Variants in FLACC1 observed in about 807,000 individuals in gnomAD.
The protein encoded by FLACC1 is flagellum-associated coiled-coil domain-containing protein 1.
In FLACC1, 66 loss-of-function variants were observed where a neutral mutation model predicts 62.8. The ratio of observed to expected loss-of-function variants is 1.05; its 90% CI spans 0.86 to 1.29. The LOEUF is 1.29. Ranked by LOEUF, FLACC1 falls within the 50% of genes most tolerant of loss-of-function variation. FLACC1 has a pLI of 0.00. For synonymous variants in FLACC1, 156 were observed against 161.0 expected (o/e 0.97, Z 0.24); for missense variants, 452 against 489.1 (o/e 0.92, Z 0.71).
chr2:201,309,259 G>A lies in FLACC1; in HGVS notation c.676-9C>T. On this transcript the variant is annotated splice_polypyrimidine_tract_variant and intron_variant, in intron 9 of 14. Coordinates refer to ENST00000392257, the MANE Select transcript of FLACC1 (RefSeq NM_001127391.3). ...TCATCATAAATACTGTCCTGGGGAG[G>A]TACAAAGGCACCATGAAGAAAAGAG... The A allele has an allele frequency of 1.3e-6, 2 of 1,599,676 alleles. No individual in the cohort carries two copies. Among genetic ancestry groups the A allele is most frequent in the Non-Finnish European group, 1.7e-6 (2 of 1,167,424 alleles).
chr2:201,328,188 C>G (rs946047224), intron 9 of FLACC1, among the ~76,000 whole-genome samples: 1 of 150,236 alleles, frequency 6.7e-6, no homozygotes, highest in African/African-American at 2.4e-5. Context: ...AAAAAAAAAA[C>G]AAAACTACAC....
chr2:201,321,996 C>T (rs1361845262), intron 9 of FLACC1, among the ~76,000 whole-genome samples: 1 of 152,202 alleles, frequency 6.6e-6, no homozygotes, highest in Non-Finnish European at 1.5e-5. Context: ...AGGCCGGGTG[C>T]AGTGGCTCAT....
At chr2:201,358,827 C>A (rs1193370215), upstream of FLACC1, among the ~76,000 whole-genome samples, 1 of 152,168 alleles carries the variant, frequency 6.6e-6, no homozygotes, top group African/African-American at 2.4e-5. Context: ...TCCCAAAGTG[C>A]TGGGATTACA....
rs780908550 is a variant in FLACC1 at position 201,309,186 on chromosome 2, T to C, written c.740A>G (p.Glu247Gly). 4.3e-6 allele frequency: 7 copies of C among 1,614,006 alleles called. No individual in the cohort carries two copies. The highest frequency in any genetic ancestry group is 3.3e-5 in the South Asian group (3 of 91,082). ...CAGGATATTTTCTCGCTCGAACTTC[T>C]CATCCTTCTTCCATTTCGCCTTCTG... Reference protein sequence around the residue: ...SKQKAKWKKDEKFERENILLQ... With the variant: ...SKQKAKWKKDGKFERENILLQ... The change falls in exon 10 of 15, where the codon GAG becomes GGG. Residue 247 changes from glutamate (E) to glycine (G), a missense_variant. By Grantham distance (98) the Glu-to-Gly change is moderately conservative. This residue lies in a region of FLACC1 where 301 missense variants were observed against 318.4 expected (regional missense o/e 0.95). Transcript: ENST00000392257.
rs772915945 is a variant in FLACC1, at chr2:201,350,691, C to CAAAACAAAACAA, written c.185+8_185+19dup. On this transcript the variant is annotated intron_variant, in intron 3 of 14. Coordinates refer to ENST00000392257, the MANE Select transcript of FLACC1 (RefSeq NM_001127391.3). ...GTGAGACTCCATCTCAAAAACAAAA[C>CAAAACAAAACAA]AAAACAAAACAATACTTACTTTGGG... 3.7e-6 allele frequency: 6 copies of CAAAACAAAACAA among 1,608,156 alleles called. No individual in the cohort carries two copies. Among genetic ancestry groups the CAAAACAAAACAA allele is most frequent in the Admixed American group, 3.4e-5 (2 of 59,692 alleles).
intron 11 of FLACC1, among the ~76,000 whole-genome samples, chr2:201,304,167 T>C (rs981587777): frequency 3.9e-5 from 6 of 152,232 alleles, no homozygotes; most frequent in Non-Finnish European, 8.8e-5. Flanking sequence ...ACATGAATTG[T>C]ATATCTAGAA....
In FLACC1 at chr2:201,344,262, T is replaced by C. The variant is rs759692636; in HGVS notation, c.370A>G (p.Thr124Ala). ...TCTTCTAGGTCAGAAATGATGTTGG[T>C]CCTGTAGGAGAAGTAATTCTTCTAT... Reference protein sequence around the residue: ...EIPDKGRFSRTNIISDLEEQI... With the variant: ...EIPDKGRFSRANIISDLEEQI... The change falls in exon 6 of 15, where the codon ACC becomes GCC. Residue 124 changes from threonine to alanine, a missense_variant and splice_region_variant. Physicochemically the swap from Thr to Ala is moderately conservative, Grantham distance 58. Coordinates refer to ENST00000392257, the MANE Select transcript of FLACC1 (RefSeq NM_001127391.3). 35 of 1,608,450 alleles carry C rather than the reference T, an allele frequency of 2.2e-5. No individual in the cohort carries two copies. The South Asian group carries it at 3.6e-4, about 17-fold the overall frequency.
At chr2:201,308,066 C>T (rs991310568) in intron 10 of FLACC1, among the ~76,000 whole-genome samples, 1 of 152,084 alleles carries the variant, frequency 6.6e-6, no homozygotes, top group Non-Finnish European at 1.5e-5. Context: ...GCCAGTAGAG[C>T]CCCATTATCA....
chr2:201,298,342 GAATATCTAAAGGAATATAAA>G, intron 12 of FLACC1, among the ~76,000 whole-genome samples: 1 of 152,220 alleles, frequency 6.6e-6, no homozygotes, highest in Non-Finnish European at 1.5e-5. Context: ...CAAAGCTTAA[GAATATCTAAAGGAATATAAA>G]AATATTCAGC....
intron 9 of FLACC1, among the ~76,000 whole-genome samples, chr2:201,329,200 T>C (rs1285705711): frequency 6.6e-6 from 1 of 152,168 alleles, no homozygotes; most frequent in African/African-American, 2.4e-5. Flanking sequence ...AAATGCTTCA[T>C]GTCACTAATC....
At chr2:201,322,447 C>T (rs1950423714) in intron 9 of FLACC1, among the ~76,000 whole-genome samples, 1 of 151,960 alleles carries the variant, frequency 6.6e-6, no homozygotes, top group African/African-American at 2.4e-5. Context: ...CATAAAAAAA[C>T]TCTCTATAAC....
intron 5 of FLACC1, 80 bp from the exon 6 acceptor site, chr2:201,344,343 G>C: frequency 8.2e-7 from 1 of 1,217,590 alleles, no homozygotes; most frequent in Non-Finnish European, 1.2e-6. Flanking sequence ...GACTGACTCT[G>C]GCATGGTGAG....
chr2:201,358,783 A>T (rs921704481), upstream of FLACC1, among the ~76,000 whole-genome samples: 2 of 151,628 alleles, frequency 1.3e-5, no homozygotes, highest in Non-Finnish European at 1.5e-5. Context: ...CTGGTCTTGT[A>T]CTCCTGAATT....
chr2:201,327,922 C>T (rs1230977851), intron 9 of FLACC1, among the ~76,000 whole-genome samples: 5 of 141,160 alleles, frequency 3.5e-5, no homozygotes, highest in African/African-American at 1.3e-4. Flanking sequence ...TGCCCGTTGA[C>T]TAATGAGTGG....
At chr2:201,309,549 G>A (rs1056444903) in intron 9 of FLACC1, among the ~76,000 whole-genome samples, 10 of 152,156 alleles carry the variant, frequency 6.6e-5, no homozygotes, top group Non-Finnish European at 1.2e-4. Context: ...AAGAAAGGTA[G>A]AGTTCTCCAT....
intron 2 of FLACC1, among the ~76,000 whole-genome samples, 163 bp from the exon 3 acceptor site, chr2:201,350,945 G>T (rs1951016042): frequency 6.6e-6 from 1 of 152,310 alleles, no homozygotes; most frequent in South Asian, 2.1e-4. Flanking sequence ...CAGGCCCAAG[G>T]CCCTGGCACT....
intron 12 of FLACC1, among the ~76,000 whole-genome samples, chr2:201,292,917 G>A (rs1208630532): frequency 6.6e-6 from 1 of 152,130 alleles, no homozygotes; most frequent in African/African-American, 2.4e-5. Flanking sequence ...GATCAAAAGA[G>A]ACAAAGAAGG....
chr2:201,331,726 A>G (rs1950597026), intron 7 of FLACC1, among the ~76,000 whole-genome samples: 1 of 152,234 alleles, frequency 6.6e-6, no homozygotes, highest in Non-Finnish European at 1.5e-5. Flanking sequence ...GAATAGGCAG[A>G]GCGAAGCAGA....
intron 9 of FLACC1, among the ~76,000 whole-genome samples, chr2:201,309,742 A>T (rs1290582745): frequency 2.0e-5 from 3 of 151,596 alleles, no homozygotes; most frequent in African/African-American, 4.8e-5. Context: ...CCCCATCTCT[A>T]CTAAAAATAC....
Sources: gnomAD v4.1 joint callset for allele counts (sites outside exome capture counted in the v4.1 genomes callset) on GRCh38, gnomAD v4.1.1 for gene constraint, gnomAD v4.1.1 regional missense constraint, MANE v1.5 for transcripts, NCBI Gene and HGNC (gene_info 2026-07-23, HGNC 2026-07-21) for gene names.